Variants in NELL1 observed in about 807,000 individuals in gnomAD.
The protein encoded by NELL1 is neural EGFL like 1.
NELL1 carries 76 observed loss-of-function variants against 107.4 expected under a neutral mutation model. That is an observed-to-expected ratio of 0.71 (90% CI 0.59 to 0.86). NELL1 has a LOEUF of 0.86. NELL1 is among the 40% of genes least tolerant of loss of function. The probability of loss-of-function intolerance (pLI) is 0.00; values close to 1 mark genes in which losing one functional copy is unlikely to be tolerated. For missense variants in NELL1, 1,024 were observed against 1,005.5 expected (o/e 1.02, Z -0.25); for synonymous variants, 353 against 341.2 (o/e 1.03, Z -0.38).
chr11:21,511,906 G>A (rs892535302), intron 15 of NELL1, among the ~76,000 whole-genome samples: 1 of 152,068 alleles, frequency 6.6e-6, no homozygotes, highest in Non-Finnish European at 1.5e-5. Context: ...TGGACAATAC[G>A]GGACTAAAAT....
intron 4 of NELL1, among the ~76,000 whole-genome samples, chr11:20,862,605 C>CTGTTT (rs1848998131): frequency 1.1e-5 from 1 of 94,650 alleles, no homozygotes; most frequent in Admixed American, 1.5e-4. Flanking sequence ...TGAGCTGCTG[C>CTGTTT]TTTTTTTTTT....
At chr11:21,358,800 T>C (rs1056161246) in intron 14 of NELL1, among the ~76,000 whole-genome samples, 27 of 152,134 alleles carry the variant, frequency 1.8e-4, no homozygotes, top group African/African-American at 6.5e-4. Context: ...TTGGGCATTG[T>C]TGATATGTAC....
intron 15 of NELL1, among the ~76,000 whole-genome samples, chr11:21,468,031 A>G (rs1854075553): frequency 6.6e-6 from 1 of 152,226 alleles, no homozygotes; most frequent in Admixed American, 6.5e-5. Flanking sequence ...ATGACTAACA[A>G]TGGAAATATT....
At position 20,964,689 on chromosome 11, in the gene NELL1, C is replaced by T. The variant is rs535038817; in HGVS notation, c.1300+4129C>T. The stretch of plus-strand genomic sequence containing the variant: ...ACTGTTCCAATACTGTGCTAGTGTT[C>T]AAAATGTTGGTTGCCCTCCCGATTT... On this transcript the variant is annotated intron_variant, in intron 12 of 19. Transcript: ENST00000357134. 3.3e-5 allele frequency among the ~76,000 whole-genome samples: 5 copies of T among 152,290 alleles called. No homozygotes were observed. The East Asian group carries it at 9.7e-4, about 29-fold the overall frequency.
At chr11:20,821,100 G>A (rs1435232386) in intron 3 of NELL1, among the ~76,000 whole-genome samples, 1 of 152,152 alleles carries the variant, frequency 6.6e-6, no homozygotes, top group Non-Finnish European at 1.5e-5. Context: ...GTCAAGGGAG[G>A]CTTTATAGAG....
chr11:21,241,300 A>G (rs1213576377), intron 14 of NELL1, among the ~76,000 whole-genome samples: 2 of 152,142 alleles, frequency 1.3e-5, no homozygotes, highest in Non-Finnish European at 2.9e-5. Context: ...TGGTACTATT[A>G]TAGAATGGCA....
intron 12 of NELL1, among the ~76,000 whole-genome samples, chr11:21,012,188 G>T: frequency 6.6e-6 from 1 of 152,110 alleles, no homozygotes; most frequent in East Asian, 1.9e-4. Context: ...AGAGTGCTCT[G>T]CTCCATCCAG....
intron 15 of NELL1, among the ~76,000 whole-genome samples, chr11:21,493,510 C>A (rs1361652903): frequency 7.6e-6 from 1 of 131,078 alleles, no homozygotes; most frequent in Non-Finnish European, 1.6e-5. Flanking sequence ...CACATATTCT[C>A]ACTTATGTGT....
chr11:20,972,326 C>T (rs1424345223), intron 12 of NELL1, among the ~76,000 whole-genome samples: 1 of 152,056 alleles, frequency 6.6e-6, no homozygotes, highest in African/African-American at 2.4e-5. Flanking sequence ...ATAAGTAAGT[C>T]CTAAAACATA....
At chr11:20,916,325 T>C (rs567980409) in intron 5 of NELL1, among the ~76,000 whole-genome samples, 71 of 151,994 alleles carry the variant, frequency 4.7e-4, no homozygotes, top group African/African-American at 1.7e-3. Flanking sequence ...AGGAAAGGTG[T>C]GAGAGCAGGT....
intron 5 of NELL1, among the ~76,000 whole-genome samples, chr11:20,907,972 CAGA>C (rs1850041192): frequency 6.6e-6 from 1 of 152,078 alleles, no homozygotes; most frequent in South Asian, 2.1e-4. Flanking sequence ...CACTGATCAT[CAGA>C]GAAATGCAAA....
intron 2 of NELL1, among the ~76,000 whole-genome samples, chr11:20,698,407 G>A (rs1854679204): frequency 6.6e-6 from 1 of 152,118 alleles, no homozygotes; most frequent in Non-Finnish European, 1.5e-5. Context: ...GTACATTAAG[G>A]AAAGCAGAGA....
intron 5 of NELL1, among the ~76,000 whole-genome samples, chr11:20,913,114 C>G (rs1026985112): frequency 2.6e-5 from 4 of 151,940 alleles, no homozygotes; most frequent in Non-Finnish European, 5.9e-5. Flanking sequence ...TTTTGAAAAC[C>G]CTCCCTGTGA....
intron 15 of NELL1, among the ~76,000 whole-genome samples, chr11:21,428,518 C>T (rs1852888684): frequency 1.3e-5 from 2 of 152,082 alleles, no homozygotes; most frequent in African/African-American, 4.8e-5. Flanking sequence ...TTCCACTTCC[C>T]TGCAACTCTC....
chr11:20,705,345 C>A (rs375968541), intron 2 of NELL1, among the ~76,000 whole-genome samples: 29,281 of 151,606 alleles, frequency 0.19, 3,108 homozygotes, highest in African/African-American at 0.24. Flanking sequence ...GAACAGAGCC[C>A]TCAGAAATAA....
chr11:21,235,098 T>A (rs1173904345), intron 14 of NELL1, among the ~76,000 whole-genome samples: 1 of 152,102 alleles, frequency 6.6e-6, no homozygotes, highest in African/African-American at 2.4e-5. Context: ...TTTTGAAACA[T>A]GGTTAATGTA....
At chr11:21,013,995 A>G (rs760264819) in intron 12 of NELL1, among the ~76,000 whole-genome samples, 4 of 151,996 alleles carry the variant, frequency 2.6e-5, no homozygotes, top group African/African-American at 4.8e-5. Context: ...GGTTATGTGT[A>G]TTGAGGAGGA....
chr11:21,010,964 A>C (rs1406741922), intron 12 of NELL1, among the ~76,000 whole-genome samples: 2 of 152,066 alleles, frequency 1.3e-5, no homozygotes, highest in Non-Finnish European at 2.9e-5. Context: ...AGTAAATTAC[A>C]ATCATACTGC....
At chr11:21,500,046 T>C (rs1371589782) in intron 15 of NELL1, among the ~76,000 whole-genome samples, 1 of 152,262 alleles carries the variant, frequency 6.6e-6, no homozygotes, top group Non-Finnish European at 1.5e-5. Flanking sequence ...TTAAGCTTTA[T>C]CTTTCTGGAG....
Sources: allele counts gnomAD v4.1 joint callset (sites outside exome capture counted in the v4.1 genomes callset), GRCh38; gene constraint gnomAD v4.1.1; transcripts MANE v1.5; gene names NCBI Gene and HGNC (gene_info 2026-07-23, HGNC 2026-07-21).